ZNF469: variants seen among roughly 807,000 people sequenced by gnomAD.
ZNF469 encodes zinc finger protein 469.
Under a neutral mutation model 1.0 loss-of-function variants are expected in ZNF469, and 1 was observed. The observed-to-expected ratio is 1.00, with a 90% CI of 0.35 to 4.73. ZNF469 has a LOEUF of 4.73. ZNF469 is among the 30% of genes most tolerant of loss of function. The probability of loss-of-function intolerance (pLI) is 0.16; values close to 1 mark genes in which losing one functional copy is unlikely to be tolerated. For missense variants in ZNF469, 6,100 were observed against 5,356.3 expected (o/e 1.14, Z -4.33); for synonymous variants, 2,703 against 2,363.4 (o/e 1.14, Z -4.17).
At chr16:88,262,857 T>G in the ZNF469 span, among the ~76,000 whole-genome samples, 1 of 152,086 alleles carries the variant, frequency 6.6e-6, no homozygotes, top group South Asian at 2.1e-4. This position sits in a 1 kb window ranked among gnomAD's most constrained non-coding sequence, Gnocchi z 4.3. Flanking sequence ...TTAAGTGCAA[T>G]AAAACAGGCT....
At chr16:88,215,368 A>T in the ZNF469 span, among the ~76,000 whole-genome samples, 3 of 129,294 alleles carry the variant, frequency 2.3e-5, no homozygotes, top group South Asian at 2.6e-4. Flanking sequence ...TCCTTCTTTC[A>T]TATCTTGCCT....
chr16:88,360,078 A>C, the ZNF469 span, among the ~76,000 whole-genome samples: 1 of 152,164 alleles, frequency 6.6e-6, no homozygotes, highest in African/African-American at 2.4e-5. Context: ...GCTGTTCTCA[A>C]ACTCCTGACT....
chr16:88,402,285 C>T (rs1296357699), intron 1 of ZNF469, among the ~76,000 whole-genome samples: 2 of 152,144 alleles, frequency 1.3e-5, no homozygotes, highest in Non-Finnish European at 2.9e-5. Flanking sequence ...TCCTACTCTA[C>T]CCTCTCCTTC....
At chr16:88,169,053 G>C in the ZNF469 span, among the ~76,000 whole-genome samples, 2 of 152,256 alleles carry the variant, frequency 1.3e-5, no homozygotes, top group African/African-American at 2.4e-5. The surrounding 1 kb of genome is among the most constrained non-coding windows in gnomAD (Gnocchi z 6.1). Flanking sequence ...TTGGGGGACA[G>C]AGTGTTAGGG....
chr16:88,350,417 A>T, the ZNF469 span, among the ~76,000 whole-genome samples: 730 of 152,260 alleles, frequency 4.8e-3, 5 homozygotes, highest in African/African-American at 0.017. Flanking sequence ...AGAATCGCCT[A>T]GGGGAGGGCA....
chr16:88,201,828 G>A, the ZNF469 span, among the ~76,000 whole-genome samples: 4 of 152,216 alleles, frequency 2.6e-5, no homozygotes, highest in Non-Finnish European at 5.9e-5. The surrounding 1 kb of genome is among the most constrained non-coding windows in gnomAD (Gnocchi z 5.0). Flanking sequence ...CTAAGGCGCC[G>A]GCTGCTGGCA....
the ZNF469 span, among the ~76,000 whole-genome samples, chr16:88,363,147 G>T: frequency 6.6e-6 from 1 of 152,156 alleles, no homozygotes; most frequent in East Asian, 1.9e-4. Flanking sequence ...CCTAGTAAAA[G>T]AACTACTTTT....
At chr16:88,425,533 T>C (rs1392675183) in intron 2 of ZNF469, among the ~76,000 whole-genome samples, 1 of 152,148 alleles carries the variant, frequency 6.6e-6, no homozygotes, top group Non-Finnish European at 1.5e-5. Context: ...GGACCTCGCC[T>C]ACACTGGCTG....
chr16:88,229,580 G>GATGCCACGCATGTGT, the ZNF469 span, among the ~76,000 whole-genome samples: 1 of 109,600 alleles, frequency 9.1e-6, no homozygotes, highest in Admixed American at 8.7e-5. Flanking sequence ...CTTGTGCGCT[G>GATGCCACGCATGTGT]ATGTCACGCG....
chr16:88,127,772 T>C, the ZNF469 span, among the ~76,000 whole-genome samples: 2 of 152,172 alleles, frequency 1.3e-5, no homozygotes, highest in Non-Finnish European at 2.9e-5. Context: ...AAGGTTGGAT[T>C]TGGTGACAAC....
At chr16:88,104,298 T>A in the ZNF469 span, among the ~76,000 whole-genome samples, 2 of 148,536 alleles carry the variant, frequency 1.3e-5, no homozygotes, top group African/African-American at 5.0e-5. Flanking sequence ...ACGCTTCACA[T>A]ACCATAGAGT....
chr16:88,129,808 A>G, the ZNF469 span, among the ~76,000 whole-genome samples: 5 of 152,384 alleles, frequency 3.3e-5, no homozygotes, highest in African/African-American at 9.6e-5. Flanking sequence ...TAATGAGCCA[A>G]GATCGTGCCA....
chr16:88,263,283 G>A, the ZNF469 span, among the ~76,000 whole-genome samples: 1 of 152,198 alleles, frequency 6.6e-6, no homozygotes, highest in South Asian at 2.1e-4. Context: ...CTAGGGGATT[G>A]GGATTCACTG....
the ZNF469 span, among the ~76,000 whole-genome samples, chr16:88,175,291 T>C: frequency 2.0e-5 from 3 of 152,096 alleles, no homozygotes; most frequent in African/African-American, 7.2e-5. Context: ...TCTCAACAAC[T>C]GATAGAATAA....
the ZNF469 span, among the ~76,000 whole-genome samples, chr16:88,328,859 G>A: frequency 2.1e-3 from 317 of 152,250 alleles, 2 homozygotes; most frequent in African/African-American, 7.1e-3. Flanking sequence ...GCAGGCGGGT[G>A]GGGGAGACGC....
chr16:88,175,906 C>A, the ZNF469 span, among the ~76,000 whole-genome samples: 1 of 152,238 alleles, frequency 6.6e-6, no homozygotes, highest in Admixed American at 6.5e-5. Context: ...GAGGACACTG[C>A]CCTGATCTAT....
the ZNF469 span, among the ~76,000 whole-genome samples, chr16:88,331,717 C>T: frequency 4.1e-4 from 63 of 151,822 alleles, no homozygotes; most frequent in South Asian, 5.0e-3. Flanking sequence ...TCATCACCAT[C>T]GTCACCATCA....
rs1186089968 is a variant in ZNF469 at position 88,439,245 on chromosome 16, C to A, written c.11775C>A (p.Ala3925=). 1.3e-6 allele frequency: 2 copies of A among 1,550,482 alleles called. No individual in the cohort carries two copies. Among genetic ancestry groups the A allele is most frequent in the Admixed American group, 2.0e-5 (1 of 51,006 alleles). Residue 3925 remains alanine, a synonymous_variant, in exon 3 of 3, where the codon GCC becomes GCA. Coordinates refer to ENST00000565624, the MANE Select transcript of ZNF469 (RefSeq NM_001367624.2). ...CCGAGCCACACACCCACCGGACGGCCGAGGCCCAGAGTGACCTCCTCAGCC... is the reference window on the plus strand; with the variant it reads ...CCGAGCCACACACCCACCGGACGGCAGAGGCCCAGAGTGACCTCCTCAGCC... ...EPAEPHTHRT[A]EAQSDLLSQL...
chr16:88,213,545 C>T, the ZNF469 span, among the ~76,000 whole-genome samples: 3 of 152,214 alleles, frequency 2.0e-5, no homozygotes, highest in Admixed American at 6.5e-5. Context: ...TCGGGGTGAG[C>T]ATGGAGAAGG....
Sources: gnomAD v4.1 joint callset for allele counts (sites outside exome capture counted in the v4.1 genomes callset) on GRCh38, gnomAD v4.1.1 for gene constraint, Gnocchi (gnomAD v3.1) non-coding constraint, MANE v1.5 for transcripts, NCBI Gene and HGNC (gene_info 2026-07-23, HGNC 2026-07-21) for gene names.